The following UBE2E3 variants were observed in gnomAD, a reference collection of about 807,000 sequenced individuals.
UBE2E3 encodes the protein ubiquitin conjugating enzyme E2 E3, also known as ubiquitin-conjugating enzyme E2 E3.
UBE2E3 carries 5 observed loss-of-function variants against 23.6 expected under a neutral mutation model. That is an observed-to-expected ratio of 0.21 (90% CI 0.11 to 0.44). UBE2E3 has a LOEUF of 0.44. UBE2E3 is among the 20% of genes least tolerant of loss of function. UBE2E3 has a pLI of 0.99. For synonymous variants in UBE2E3, 78 were observed against 87.5 expected (o/e 0.89, Z 0.60); for missense variants, 81 against 249.8 (o/e 0.32, Z 4.55).
Position 180,995,822 on chromosome 2 carries a change from A to G in UBE2E3, c.245+11729A>G, listed in dbSNP as rs561694422. ...AACAAAACTCCTGGTGTGCTTTTCT[A>G]TCAAAAGGCACCTAAGATCTGGTTG... On this transcript the variant is annotated intron_variant, in intron 3 of 5. Coordinates refer to ENST00000410062, the MANE Select transcript of UBE2E3 (RefSeq NM_006357.4). Among the ~76,000 whole-genome samples the G allele has an allele frequency of 1.0e-4, 15 of 149,302 alleles. No individual in the cohort carries two copies. The South Asian group carries it at 2.5e-3, about 25-fold the overall frequency.
At chr2:181,008,263 AC>A (rs1685211527) in intron 3 of UBE2E3, among the ~76,000 whole-genome samples, 1 of 152,212 alleles carries the variant, frequency 6.6e-6, no homozygotes, top group African/African-American at 2.4e-5. Flanking sequence ...ATATTTATTG[AC>A]CAATTACTAT....
chr2:181,036,083 A>G (rs1253634793), intron 3 of UBE2E3, among the ~76,000 whole-genome samples: 2 of 152,130 alleles, frequency 1.3e-5, no homozygotes, highest in East Asian at 1.9e-4. Context: ...GGCTCACAGC[A>G]GGCAACAGGC....
chr2:181,054,948 A>G (rs1324685515), intron 3 of UBE2E3, among the ~76,000 whole-genome samples: 3 of 151,726 alleles, frequency 2.0e-5, no homozygotes, highest in Admixed American at 2.0e-4. Context: ...ATGTTATTCT[A>G]GGAATGAAAG....
chr2:181,014,333 A>G (rs570941958), intron 3 of UBE2E3, among the ~76,000 whole-genome samples: 1 of 152,342 alleles, frequency 6.6e-6, no homozygotes, highest in East Asian at 1.9e-4. Context: ...TCATTCTGAT[A>G]CAACTCAGAG....
At chr2:180,999,997 G>C (rs975436394) in intron 3 of UBE2E3, among the ~76,000 whole-genome samples, 5 of 152,140 alleles carry the variant, frequency 3.3e-5, no homozygotes, top group Non-Finnish European at 7.4e-5. Context: ...AAGTGGTTCT[G>C]GCCCACAAAT....
intron 3 of UBE2E3, among the ~76,000 whole-genome samples, chr2:181,019,443 G>GT (rs1685605330): frequency 6.6e-6 from 1 of 152,142 alleles, no homozygotes; most frequent in Admixed American, 6.5e-5. Context: ...AAAATTCAGT[G>GT]TTCAGTGTCA....
At chr2:181,041,251 A>AAAAAAAAAAAAAAAAC (rs1686492994) in intron 3 of UBE2E3, among the ~76,000 whole-genome samples, 1 of 150,272 alleles carries the variant, frequency 6.7e-6, no homozygotes, top group Non-Finnish European at 1.5e-5. Flanking sequence ...AAAAAAAAAA[A>AAAAAAAAAAAAAAAAC]AAGATAGATT....
chr2:181,047,116 A>G (rs1260727322), intron 3 of UBE2E3, among the ~76,000 whole-genome samples: 1 of 152,142 alleles, frequency 6.6e-6, no homozygotes, highest in Non-Finnish European at 1.5e-5. Flanking sequence ...TCACCACATG[A>G]CTAGATGACG....
At chr2:181,041,585 G>GCAC (rs1165422774) in intron 3 of UBE2E3, among the ~76,000 whole-genome samples, 3 of 151,680 alleles carry the variant, frequency 2.0e-5, no homozygotes, top group Admixed American at 2.0e-4. Context: ...ATTACAGCAC[G>GCAC]CACCACCATG....
At chr2:181,013,299 G>A (rs1173216852) in intron 3 of UBE2E3, among the ~76,000 whole-genome samples, 2 of 152,202 alleles carry the variant, frequency 1.3e-5, no homozygotes, top group African/African-American at 4.8e-5. Context: ...TAAGACAAGA[G>A]TTTGGGAGAG....
chr2:181,018,741 A>G lies in UBE2E3; in HGVS notation c.245+34648A>G, dbSNP rs548058219. Among the ~76,000 whole-genome samples, 17 of 152,068 alleles carry G rather than the reference A, an allele frequency of 1.1e-4. No individual in the cohort carries two copies. The South Asian group carries it at 2.5e-3, about 22-fold the overall frequency. On this transcript the variant is annotated intron_variant, in intron 3 of 5. Coordinates refer to ENST00000410062, the MANE Select transcript of UBE2E3 (RefSeq NM_006357.4). The stretch of plus-strand genomic sequence containing the variant: ...TCTTTGATTTCATACAGTTGGTAAC[A>G]TCTTAACAAATGACCATAGTATAAT...
chr2:181,050,518 C>G (rs1686812718), intron 3 of UBE2E3, among the ~76,000 whole-genome samples: 1 of 151,866 alleles, frequency 6.6e-6, no homozygotes, highest in South Asian at 2.1e-4. Flanking sequence ...ATTTAAAAGT[C>G]TGTAGAGTAG....
intron 3 of UBE2E3, among the ~76,000 whole-genome samples, chr2:181,057,330 G>A (rs1389392100): frequency 6.6e-6 from 1 of 151,806 alleles, no homozygotes; most frequent in African/African-American, 2.4e-5. Flanking sequence ...GGAAAAGGCC[G>A]TGTGCAACTT....
chr2:181,015,278 T>A (rs1008996006), intron 3 of UBE2E3, among the ~76,000 whole-genome samples: 2 of 152,152 alleles, frequency 1.3e-5, no homozygotes, highest in African/African-American at 2.4e-5. Flanking sequence ...CTACATATAG[T>A]CACATTAGGA....
rs373599785 is a variant in UBE2E3 at position 181,035,211 on chromosome 2, C to T, written c.246-22482C>T. On this transcript the variant is annotated intron_variant, in intron 3 of 5. Coordinates refer to ENST00000410062, the MANE Select transcript of UBE2E3 (RefSeq NM_006357.4). The stretch of plus-strand genomic sequence containing the variant: ...ACCTTTTGAATTGTAAAAAGTGAAA[C>T]CTACAAAGTAAAACCTACACCTATT... Among the ~76,000 whole-genome samples, 17 of 152,090 alleles carry T rather than the reference C, an allele frequency of 1.1e-4. No individual in the cohort carries two copies. The East Asian group carries it at 2.1e-3, about 19-fold the overall frequency.
At chr2:181,021,684 C>T (rs1051281347) in intron 3 of UBE2E3, among the ~76,000 whole-genome samples, 4 of 119,782 alleles carry the variant, frequency 3.3e-5, no homozygotes, top group African/African-American at 1.4e-4. Context: ...TCCTTCCCAA[C>T]TTTTCTTTTA....
chr2:181,043,232 A>G (rs1306435151), intron 3 of UBE2E3, among the ~76,000 whole-genome samples: 1 of 152,076 alleles, frequency 6.6e-6, no homozygotes, highest in East Asian at 1.9e-4. Flanking sequence ...GGTATGTTCT[A>G]TTTTTTTACT....
At chr2:180,991,263 T>G (rs1315870525) in intron 3 of UBE2E3, among the ~76,000 whole-genome samples, 2 of 152,144 alleles carry the variant, frequency 1.3e-5, no homozygotes, top group Non-Finnish European at 2.9e-5. Context: ...GACTCCCTAG[T>G]GGATGCCTGA....
At chr2:181,062,734 C>T in intron 5 of UBE2E3, 57 bp from the exon 6 acceptor site, 1 of 1,006,500 alleles carries the variant, frequency 9.9e-7, no homozygotes, top group Non-Finnish European at 1.5e-6. Flanking sequence ...AATATTAGAA[C>T]TATACCTTGA....
Sources: allele counts gnomAD v4.1 joint callset (sites outside exome capture counted in the v4.1 genomes callset), GRCh38; gene constraint gnomAD v4.1.1; transcripts MANE v1.5; gene names NCBI Gene and HGNC (gene_info 2026-07-23, HGNC 2026-07-21).